Variants in GNA13 observed in about 807,000 individuals in gnomAD.
GNA13 encodes guanine nucleotide-binding protein subunit alpha-13.
GNA13 carries 4 observed loss-of-function variants against 33.5 expected under a neutral mutation model. The observed-to-expected ratio is 0.12, with a 90% confidence interval of 0.06 to 0.27. The LOEUF is 0.27. Ranked by LOEUF, GNA13 falls within the 10% of genes least tolerant of loss-of-function variation. The pLI is 1.00. For synonymous variants in GNA13, 176 were observed against 183.8 expected (o/e 0.96, Z 0.34); for missense variants, 319 against 487.2 (o/e 0.65, Z 3.25).
At chr17:65,034,286 C>T (rs1907165220) in intron 2 of GNA13, among the ~76,000 whole-genome samples, 1 of 151,918 alleles carries the variant, frequency 6.6e-6, no homozygotes, top group Non-Finnish European at 1.5e-5. Context: ...TAGAAATTGC[C>T]TTTTTCTTGT....
In GNA13 at chr17:65,014,207, G is replaced by C; in HGVS notation, c.*50C>G. 1 of 1,108,260 alleles carries C rather than the reference G, an allele frequency of 9.0e-7. No homozygotes were observed. Among genetic ancestry groups the C allele is most frequent in the Non-Finnish European group, 1.3e-6 (1 of 751,094 alleles). The allele number at this position is 1,108,260 out of a possible 1,614,324, so 68.7% of individuals were successfully genotyped here. On this transcript the variant is annotated 3_prime_UTR_variant, in exon 4 of 4. Transcript: ENST00000439174. This position sits in a 1 kb window ranked among gnomAD's most constrained non-coding sequence, Gnocchi z 5.3. ...GCTATTTTAAAAAACAAAACAAACA[G>C]AAAACATCAAAAACACAAAAAGATA... is the stretch of plus-strand genomic sequence containing the variant.
intron 2 of GNA13, among the ~76,000 whole-genome samples, chr17:65,040,776 C>A (rs1203501097): frequency 5.3e-5 from 8 of 152,194 alleles, no homozygotes; most frequent in Admixed American, 5.2e-4. Context: ...CAGCCATGAG[C>A]CACTCTGCCC....
In GNA13 at chr17:65,018,455, T is replaced by G. The variant is rs184189481; in HGVS notation, c.511-152A>C. The G allele has an allele frequency of 2.4e-5, 15 of 614,620 alleles. No homozygotes were observed. In the East Asian group the frequency reaches 3.6e-4, roughly 15 times the overall value. 38.1% of individuals were successfully genotyped at this position (614,620 alleles called of 1,614,324 possible). ...GACAGCTAACCTTCCTAAAAACATA[T>G]AAAACGTCTGCTCTGTCACAGACTG... On this transcript the variant is annotated intron_variant, in intron 2 of 3. Coordinates refer to ENST00000439174, the MANE Select transcript of GNA13 (RefSeq NM_006572.6).
intron 2 of GNA13, among the ~76,000 whole-genome samples, chr17:65,029,741 G>A (rs747466563): frequency 4.6e-5 from 7 of 152,084 alleles, no homozygotes; most frequent in Admixed American, 6.6e-5. Context: ...ACCCTGTACA[G>A]AGCAATAGCT....
chr17:65,019,734 G>A (rs1234627620), intron 2 of GNA13, among the ~76,000 whole-genome samples: 1 of 152,192 alleles, frequency 6.6e-6, no homozygotes, highest in Non-Finnish European at 1.5e-5. Context: ...GATAGTTAAA[G>A]TGAATGAATA....
intron 2 of GNA13, among the ~76,000 whole-genome samples, chr17:65,031,401 G>A (rs1040483593): frequency 2.6e-5 from 4 of 152,192 alleles, no homozygotes; most frequent in African/African-American, 4.8e-5. Context: ...GACTGTAAAT[G>A]TCTGTGTTCT....
chr17:65,033,464 G>C (rs1420752390), intron 2 of GNA13, among the ~76,000 whole-genome samples: 1 of 151,652 alleles, frequency 6.6e-6, no homozygotes, highest in Non-Finnish European at 1.5e-5. Context: ...TCCAGCCTGG[G>C]TGACAAAATG....
At chr17:65,044,637 TA>T (rs897842429) in intron 2 of GNA13, among the ~76,000 whole-genome samples, 2 of 142,186 alleles carry the variant, frequency 1.4e-5, no homozygotes, top group Non-Finnish European at 3.1e-5. Context: ...CCCCATCTCT[TA>T]AAAAAAAGGA....
At chr17:65,050,303 T>C (rs1310280772) in intron 2 of GNA13, among the ~76,000 whole-genome samples, 2 of 152,150 alleles carry the variant, frequency 1.3e-5, no homozygotes, top group East Asian at 1.9e-4. Flanking sequence ...GATGATGACT[T>C]TGAGGAAAAT....
chr17:65,011,823 A>G lies in GNA13; in HGVS notation c.*2434T>C. On this transcript the variant is annotated 3_prime_UTR_variant, in exon 4 of 4. Coordinates refer to ENST00000439174, the MANE Select transcript of GNA13 (RefSeq NM_006572.6). ...GAGCACCTTTTCAATTCTGTTCACT[A>G]AATTTCATCTCTCTCTTCATATAGT... The G allele has an allele frequency of 4.4e-6, 1 of 227,776 alleles. No individual in the cohort carries two copies. The highest frequency in any genetic ancestry group is 6.3e-5 in the East Asian group (1 of 15,792). 14.1% of individuals were successfully genotyped at this position (227,776 alleles called of 1,614,324 possible).
At chr17:65,016,505 T>C (rs977957627) in intron 3 of GNA13, among the ~76,000 whole-genome samples, 2 of 152,084 alleles carry the variant, frequency 1.3e-5, no homozygotes, top group African/African-American at 4.8e-5. Flanking sequence ...GGATTACAGG[T>C]GTGCACCACC....
At chr17:65,053,833 C>T (rs1031615555) in intron 1 of GNA13, 105 bp from the exon 2 acceptor site, 6 of 714,724 alleles carry the variant, frequency 8.4e-6, no homozygotes, top group Non-Finnish European at 1.4e-5. Flanking sequence ...TTAACCTAGA[C>T]AAACCTTCTT....
intron 2 of GNA13, among the ~76,000 whole-genome samples, chr17:65,048,992 A>T (rs1021915262): frequency 1.3e-4 from 20 of 152,344 alleles, no homozygotes; most frequent in African/African-American, 4.8e-4. Flanking sequence ...ACCCCCCCAA[A>T]TAAAAATTAT....
At chr17:65,044,528 T>C (rs749916534) in intron 2 of GNA13, among the ~76,000 whole-genome samples, 99 of 151,658 alleles carry the variant, frequency 6.5e-4, no homozygotes, top group Non-Finnish European at 1.2e-3. Flanking sequence ...CCAGGCACGG[T>C]GGTGGCTCAC....
chr17:65,034,774 G>A (rs962148352), intron 2 of GNA13, among the ~76,000 whole-genome samples: 3 of 152,070 alleles, frequency 2.0e-5, no homozygotes, highest in Non-Finnish European at 4.4e-5. Context: ...TTAGCCATAT[G>A]TTTAGTATTT....
rs1188794715 is a variant in GNA13, at chr17:65,053,736, T to A, written c.284-8A>T. 1 of 1,567,896 alleles carries A rather than the reference T, an allele frequency of 6.4e-7. No homozygotes were observed. Among genetic ancestry groups the A allele is most frequent in the Non-Finnish European group, 8.8e-7 (1 of 1,141,784 alleles). ...CAACCAGCACCCTCATACCTTTGTT[T>A]AAAAAGAAGAAAAAAAATGTATGGA... On this transcript the variant is annotated splice_region_variant and splice_polypyrimidine_tract_variant and intron_variant, in intron 1 of 3. Transcript: ENST00000439174.
chr17:65,056,152 AG>A (rs1908046008), intron 1 of GNA13, among the ~76,000 whole-genome samples, 158 bp downstream of exon 1: 1 of 151,288 alleles, frequency 6.6e-6, no homozygotes, highest in South Asian at 2.1e-4. Flanking sequence ...CCGGGCGGGC[AG>A]GGCCAGTTGC....
Position 65,014,692 on chromosome 17 carries a change from C to A in GNA13, c.699G>T (p.Trp233Cys), listed in dbSNP as rs1162938832. 6.2e-7 allele frequency: 1 copy of A among 1,614,072 alleles called. No homozygotes were observed. Among genetic ancestry groups the A allele is most frequent in the South Asian group, 1.1e-5 (1 of 91,078 alleles). Residue 233 changes from tryptophan (W) to cysteine (C), a missense_variant, in exon 4 of 4, where the codon TGG becomes TGT. Transcript: ENST00000439174. This position sits in a 1 kb window ranked among gnomAD's most constrained non-coding sequence, Gnocchi z 5.3. ...ATGTCACACTGTCGAAACATTCAAA[C>A]CAACGTTTCCTTTCTGATCTCTGAC... ...VGGQRSERKRWFECFDSVTSI... is the reference protein window; with the variant it reads ...VGGQRSERKRCFECFDSVTSI...
chr17:65,018,346 TG>T (rs746538411), intron 2 of GNA13, 43 bp from the exon 3 acceptor site: 1 of 957,356 alleles, frequency 1.0e-6, no homozygotes, highest in Non-Finnish European at 1.7e-6. Flanking sequence ...GGCTTAGAAA[TG>T]GAAGATCTTG....
Sources: allele counts gnomAD v4.1 joint callset (sites outside exome capture counted in the v4.1 genomes callset), GRCh38; gene constraint gnomAD v4.1.1; non-coding constraint Gnocchi (gnomAD v3.1); transcripts MANE v1.5; gene names NCBI Gene and HGNC (gene_info 2026-07-23, HGNC 2026-07-21).